Variants in ANO8 observed in about 807,000 individuals in gnomAD.
ANO8 encodes anoctamin-8.
In ANO8, 67 loss-of-function variants were observed where a neutral mutation model predicts 120.4. That is an observed-to-expected ratio of 0.56 (90% CI 0.46 to 0.68). ANO8 has a LOEUF of 0.68. Ranked by LOEUF, ANO8 falls within the 30% of genes least tolerant of loss-of-function variation. The pLI is 0.00. For synonymous variants in ANO8, 727 were observed against 759.2 expected (o/e 0.96, Z 0.70); for missense variants, 1,526 against 1,737.6 (o/e 0.88, Z 2.16).
intron 5 of ANO8, 147 bp downstream of exon 5, chr19:17,332,783 A>T (rs974454250): frequency 1.7e-5 from 14 of 821,028 alleles, no homozygotes; most frequent in African/African-American, 5.1e-5. Flanking sequence ...TGCTAAGGCC[A>T]CACCCCTTTA....
At position 17,329,456 on chromosome 19, in the gene ANO8, A is replaced by C. The variant is rs1189509519; in HGVS notation, c.1404+301T>G. ...GAGGCCCCGGAGGGAGAGGAGGAGC[A>C]GGCGGAACCGCAGGGCCGCGAGCGG... On this transcript the variant is annotated intron_variant, in intron 12 of 17. Coordinates refer to ENST00000159087, the MANE Select transcript of ANO8 (RefSeq NM_020959.3). 3 of 457,458 alleles carry C rather than the reference A, an allele frequency of 6.6e-6. No individual in the cohort carries two copies. In the East Asian group the frequency reaches 1.2e-4, roughly 18 times the overall value. 28.3% of individuals were successfully genotyped at this position (457,458 alleles called of 1,614,324 possible).
At position 17,325,296 on chromosome 19, in the gene ANO8, C is replaced by T. The variant is rs1458609220; in HGVS notation, c.2752G>A (p.Ala918Thr). The change falls in exon 17 of 18, where the codon GCC becomes ACC. Residue 918 changes from alanine to threonine, a missense_variant. Physicochemically the swap from Ala to Thr is moderately conservative, Grantham distance 58. Transcript: ENST00000159087. ...EERQRHAEHH[A>T]RREHDSGGRE... Reference sequence around the variant, plus strand: ...CCACCAGAATCATGCTCCCGCCGGGCATGGTGCTCTGCATGGCGCTGTCGC... The same window carrying T: ...CCACCAGAATCATGCTCCCGCCGGGTATGGTGCTCTGCATGGCGCTGTCGC... The T allele has an allele frequency of 2.5e-6, 4 of 1,606,742 alleles. No individual in the cohort carries two copies. Among genetic ancestry groups the T allele is most frequent in the Admixed American group, 1.7e-5 (1 of 60,014 alleles).
Position 17,323,721 on chromosome 19 carries a change from G to A in ANO8, c.3495C>T (p.Arg1165=). The A allele has an allele frequency of 8.2e-7, 1 of 1,212,626 alleles. No homozygotes were observed. Among genetic ancestry groups the A allele is most frequent in the Non-Finnish European group, 1.0e-6 (1 of 974,872 alleles). 75.1% of individuals were successfully genotyped at this position (1,212,626 alleles called of 1,614,324 possible). A position where few individuals can be genotyped will look rare whatever the true frequency, so the allele number is the denominator to read the frequency against. Residue 1165 remains arginine, a synonymous_variant, in exon 18 of 18, where the codon CGC becomes CGT. Coordinates refer to ENST00000159087, the MANE Select transcript of ANO8 (RefSeq NM_020959.3). ...WGCGGEGAAP[R]QALAAAECPP... is the part of the protein sequence containing the mutation. ...GGCACTCGGCAGCGGCCAGGGCCTG[G>A]CGGGGGGCGGCACCCTCGCCCCCGC... is the stretch of plus-strand genomic sequence containing the variant.
At position 17,327,935 on chromosome 19, in the gene ANO8, C is replaced by T. The variant is rs1490226416; in HGVS notation, c.2227-55G>A. 4.4e-6 allele frequency: 7 copies of T among 1,576,844 alleles called. No homozygotes were observed. In the South Asian group the frequency reaches 4.7e-5, roughly 11 times the overall value. On this transcript the variant is annotated intron_variant, in intron 13 of 17. Coordinates refer to ENST00000159087, the MANE Select transcript of ANO8 (RefSeq NM_020959.3). The stretch of plus-strand genomic sequence containing the variant: ...GCCTCTTCCCTGGGACAATCTTTCT[C>T]CCATTGAGCCCGCCTCCCTCAGATT...
chr19:17,329,013 G>A (rs988573563), intron 12 of ANO8, 30 bp from the exon 13 acceptor site: 2 of 1,420,702 alleles, frequency 1.4e-6, no homozygotes, highest in Non-Finnish European at 1.8e-6. Context: ...GGAGAGAGGC[G>A]CGTGGGGGGC....
chr19:17,323,904 C>T lies in ANO8; in HGVS notation c.3332-20G>A. ...CTGTCCCTGCGGAGGCGAGAGGGGC[C>T]GTTCCGGGGGGATGCCGCCCCCGCC... On this transcript the variant is annotated intron_variant, in intron 17 of 17. Coordinates refer to ENST00000159087, the MANE Select transcript of ANO8 (RefSeq NM_020959.3). 3 of 1,114,878 alleles carry T rather than the reference C, an allele frequency of 2.7e-6. No homozygotes were observed. The highest frequency in any genetic ancestry group is 3.9e-4 in the Middle Eastern group (1 of 2,566). The allele number at this position is 1,114,878 out of a possible 1,614,324, so 69.1% of individuals were successfully genotyped here. A position where few individuals can be genotyped will look rare whatever the true frequency, so the allele number is the denominator to read the frequency against.
Position 17,333,817 on chromosome 19 carries a change from C to T in ANO8, c.107-17G>A, listed in dbSNP as rs1321040945. 2 of 1,565,520 alleles carry T rather than the reference C, an allele frequency of 1.3e-6. No individual in the cohort carries two copies. Among genetic ancestry groups the T allele is most frequent in the Admixed American group, 1.9e-5 (1 of 53,292 alleles). ...AAAGCTTATCTAGGGGGCGGCGTAG[C>T]AGGCCCGGGTCAGGCCACTCTGGGA... On this transcript the variant is annotated splice_polypyrimidine_tract_variant and intron_variant, in intron 1 of 17. Transcript: ENST00000159087. This position sits in a 1 kb window ranked among gnomAD's most constrained non-coding sequence, Gnocchi z 7.2.
At position 17,330,337 on chromosome 19, in the gene ANO8, G is replaced by T; in HGVS notation, c.1146+15C>A. The T allele has an allele frequency of 6.2e-7, 1 of 1,606,550 alleles. No homozygotes were observed. Among genetic ancestry groups the T allele is most frequent in the South Asian group, 1.1e-5 (1 of 90,276 alleles). On this transcript the variant is annotated intron_variant, in intron 9 of 17. Transcript: ENST00000159087. Reference sequence around the variant, plus strand: ...AGGTACCAAGGACAGGGCGGGTGAGGGTATGGGGGGTCACCTGCAGCTGGA... The same window carrying T: ...AGGTACCAAGGACAGGGCGGGTGAGTGTATGGGGGGTCACCTGCAGCTGGA...
chr19:17,324,781 A>C lies in ANO8; in HGVS notation c.3267T>G (p.Ser1089Arg). 1 of 1,570,150 alleles carries C rather than the reference A, an allele frequency of 6.4e-7. No homozygotes were observed. Among genetic ancestry groups the C allele is most frequent in the Non-Finnish European group, 8.6e-7 (1 of 1,158,740 alleles). The change falls in exon 17 of 18, where the codon AGT becomes AGG. Residue 1089 changes from serine (S) to arginine (R), a missense_variant. Ser to Arg is a moderately radical substitution (Grantham distance 110). Coordinates refer to ENST00000159087, the MANE Select transcript of ANO8 (RefSeq NM_020959.3). ...CAGCCAGGGCCTCGTCCACCGGCCC[A>C]CTCCTCTGAACCCGGCTGCTGCCAC... is the stretch of plus-strand genomic sequence containing the variant. ...PSSGSSRVQR[S>R]GPVDEALAEE...
Position 17,327,460 on chromosome 19 carries a change from A to C in ANO8, c.2528T>G (p.Ile843Ser). 6.2e-7 allele frequency: 1 copy of C among 1,612,388 alleles called. No individual in the cohort carries two copies. Among genetic ancestry groups the C allele is most frequent in the Non-Finnish European group, 8.5e-7 (1 of 1,179,502 alleles). The change falls in exon 15 of 18, where the codon ATC becomes AGC. Residue 843 changes from isoleucine (I) to serine (S), a missense_variant. Ile to Ser is a moderately radical substitution (Grantham distance 142). Coordinates refer to ENST00000159087, the MANE Select transcript of ANO8 (RefSeq NM_020959.3). ...CACCTCGAGCACTACCACCGACACG[A>C]TGGCTGCCTCCGGGCTCAGCCAGGG... The part of the protein sequence containing the change: ...LFPWLSPEAA[I>S]VSVVVLEHFA...
At chr19:17,330,708 T>C in intron 8 of ANO8, 120 bp downstream of exon 8, 3 of 1,455,926 alleles carry the variant, frequency 2.1e-6, no homozygotes, top group South Asian at 1.3e-5. Context: ...CGCCTCGGTT[T>C]GGCATACCCT....
chr19:17,324,768 C>G lies in ANO8; in HGVS notation c.3280G>C (p.Glu1094Gln), dbSNP rs377699204. 6 of 1,549,964 alleles carry G rather than the reference C, an allele frequency of 3.9e-6. No individual in the cohort carries two copies. Among genetic ancestry groups the G allele is most frequent in the African/African-American group, 1.4e-5 (1 of 72,806 alleles). Residue 1094 changes from glutamate to glutamine, a missense_variant, in exon 17 of 18, where the codon GAG becomes CAG. By Grantham distance (29) the Glu-to-Gln change is conservative. Around this residue, in one of 8 missense-constraint regions of ANO8, gnomAD observed 489 missense variants for 548.6 expected, o/e 0.89. Coordinates refer to ENST00000159087, the MANE Select transcript of ANO8 (RefSeq NM_020959.3). The part of the protein sequence containing the change: ...SRVQRSGPVD[E>Q]ALAEELEAPR... ...GCTTCCAGCTCCTCAGCCAGGGCCT[C>G]GTCCACCGGCCCACTCCTCTGAACC...
chr19:17,330,341 TG>T lies in ANO8; in HGVS notation c.1146+10del, dbSNP rs762645529. On this transcript the variant is annotated intron_variant, in intron 9 of 17. Transcript: ENST00000159087. Reference sequence around the variant, plus strand: ...ACCAAGGACAGGGCGGGTGAGGGTATGGGGGGTCACCTGCAGCTGGAAGCAG... The same window carrying T: ...ACCAAGGACAGGGCGGGTGAGGGTATGGGGGTCACCTGCAGCTGGAAGCAG... 4 of 1,605,866 alleles carry T rather than the reference TG, an allele frequency of 2.5e-6. No homozygotes were observed. Among genetic ancestry groups the T allele is most frequent in the Admixed American group, 1.7e-5 (1 of 59,292 alleles).
chr19:17,333,490 G>A lies in ANO8; in HGVS notation c.282C>T (p.Leu94=). The change falls in exon 3 of 18, where the codon CTC becomes CTT. Residue 94 remains leucine (L), a synonymous_variant. Coordinates refer to ENST00000159087, the MANE Select transcript of ANO8 (RefSeq NM_020959.3). This position sits in a 1 kb window ranked among gnomAD's most constrained non-coding sequence, Gnocchi z 7.2. ...GGCGGTGGTGGCGGACTTGCACGAT[G>A]AGCTCGGGAATGCCCACGCGGATGT... ...LNHIRVGIPE[L]IVQVRHHRHT... The A allele has an allele frequency of 6.2e-7, 1 of 1,613,260 alleles. No homozygotes were observed. The highest frequency in any genetic ancestry group is 8.5e-7 in the Non-Finnish European group (1 of 1,179,988).
intron 17 of ANO8, 33 bp from the exon 18 acceptor site, chr19:17,323,917 T>A (rs2074255847): frequency 9.0e-7 from 1 of 1,110,396 alleles, no homozygotes; most frequent in Non-Finnish European, 1.1e-6. Flanking sequence ...TCCGGGGGGA[T>A]GCCGCCCCCG....
chr19:17,323,335 G>GTGTGTA lies in ANO8; in HGVS notation c.*181_*182insTACACA. On this transcript the variant is annotated 3_prime_UTR_variant, in exon 18 of 18. Coordinates refer to ENST00000159087, the MANE Select transcript of ANO8 (RefSeq NM_020959.3). ...TCTGTGTGTGTGTGTGTGTGTGTGT[G>GTGTGTA]TGTGTGTGTTTTCTGTTGGATTTGT... is the stretch of plus-strand genomic sequence containing the variant. 1 of 375,666 alleles carries GTGTGTA rather than the reference G, an allele frequency of 2.7e-6. No individual in the cohort carries two copies. The highest frequency in any genetic ancestry group is 4.6e-6 in the Non-Finnish European group (1 of 215,166). 23.3% of individuals were successfully genotyped at this position (375,666 alleles called of 1,614,324 possible).
intron 5 of ANO8, among the ~76,000 whole-genome samples, chr19:17,332,469 G>A (rs1476152726): frequency 1.3e-5 from 2 of 152,122 alleles, no homozygotes; most frequent in Admixed American, 1.3e-4. Flanking sequence ...ACTTGCTGTC[G>A]GAAGGTGAAC....
At chr19:17,327,172 A>G (rs1045652597) in intron 16 of ANO8, 63 bp downstream of exon 16, 1 of 1,381,096 alleles carries the variant, frequency 7.2e-7, no homozygotes, top group African/African-American at 1.4e-5. Flanking sequence ...ATTGGCCACC[A>G]AGATCAGAGA....
In ANO8 at chr19:17,333,600, C is replaced by T. The variant is rs1177686174; in HGVS notation, c.218-46G>A. The T allele has an allele frequency of 1.2e-6, 2 of 1,601,618 alleles. No homozygotes were observed. The highest frequency in any genetic ancestry group is 8.5e-7 in the Non-Finnish European group (1 of 1,177,918). ...CGATGGCTCCTGCCACGAGGGGGCC[C>T]AAGGCCTCCTACGTATTCCCGTTCT... On this transcript the variant is annotated intron_variant, in intron 2 of 17. Transcript: ENST00000159087. The surrounding 1 kb of genome is among the most constrained non-coding windows in gnomAD (Gnocchi z 7.2).
Sources: gnomAD v4.1 joint callset for allele counts (sites outside exome capture counted in the v4.1 genomes callset) on GRCh38, gnomAD v4.1.1 for gene constraint, gnomAD v4.1.1 regional missense constraint, Gnocchi (gnomAD v3.1) non-coding constraint, MANE v1.5 for transcripts, NCBI Gene and HGNC (gene_info 2026-07-23, HGNC 2026-07-21) for gene names.